RFC3: variants seen among roughly 807,000 people sequenced by gnomAD.
The protein encoded by RFC3 is replication factor C subunit 3.
Under a neutral mutation model 45.1 loss-of-function variants are expected in RFC3, and 41 were observed. The ratio of observed to expected loss-of-function variants is 0.91; its 90% CI spans 0.71 to 1.18. The LOEUF (loss-of-function observed/expected upper bound fraction) is 1.18, where lower values mean the gene tolerates loss of function less well. Among genes scored for constraint, RFC3 ranks in the 50% most tolerant of loss-of-function variants. RFC3 has a pLI of 0.00. For synonymous variants in RFC3, 149 were observed against 144.0 expected, an observed-to-expected ratio of 1.03 and a Z score of -0.25; for missense variants, 423 against 428.1, an observed-to-expected ratio of 0.99 and a Z score of 0.10.
At chr13:33,891,321 T>G (rs1362477421) in intron 8 of RFC3, among the ~76,000 whole-genome samples, 1 of 152,152 alleles carries the variant, frequency 6.6e-6, no homozygotes, top group East Asian at 1.9e-4. Flanking sequence ...TTTATTCATA[T>G]GCAAGGTTCC....
chr13:33,922,730 A>G (rs2082777391), intron 8 of RFC3, among the ~76,000 whole-genome samples: 1 of 152,152 alleles, frequency 6.6e-6, no homozygotes, highest in South Asian at 2.1e-4. Context: ...GGGCAGAGTT[A>G]AGTAGAGAGG....
At chr13:33,956,053 CCTCTT>C (rs1385332914) in intron 8 of RFC3, among the ~76,000 whole-genome samples, 2 of 152,304 alleles carry the variant, frequency 1.3e-5, no homozygotes, top group Non-Finnish European at 2.9e-5. Context: ...TACTATTTCT[CCTCTT>C]CTTTAATCTA....
At chr13:33,915,213 G>A (rs1322829087) in intron 8 of RFC3, among the ~76,000 whole-genome samples, 1 of 152,134 alleles carries the variant, frequency 6.6e-6, no homozygotes, top group Admixed American at 6.6e-5. Context: ...TCAACAAACA[G>A]CCTTAATCCT....
At chr13:33,869,614 G>A (rs138224545) in intron 8 of RFC3, among the ~76,000 whole-genome samples, 13 of 152,320 alleles carry the variant, frequency 8.5e-5, no homozygotes, top group Non-Finnish European at 1.6e-4. Context: ...CCTCCAGTGT[G>A]AGTTCTTTGC....
intron 8 of RFC3, among the ~76,000 whole-genome samples, chr13:33,887,806 T>G (rs1326125262): frequency 6.6e-6 from 1 of 151,838 alleles, no homozygotes; most frequent in Admixed American, 6.6e-5. Context: ...AATTTTTGTA[T>G]AAGGTGTAAG....
intron 8 of RFC3, among the ~76,000 whole-genome samples, chr13:33,927,179 A>C (rs964033619): frequency 4.6e-5 from 7 of 151,790 alleles, no homozygotes; most frequent in African/African-American, 1.7e-4. Flanking sequence ...ATAAGAGGGC[A>C]CCTGATGTTC....
chr13:33,886,130 C>T (rs1365451859), intron 8 of RFC3, among the ~76,000 whole-genome samples: 1 of 152,094 alleles, frequency 6.6e-6, no homozygotes, highest in Admixed American at 6.6e-5. Context: ...CTTTTGACCA[C>T]AGAGTGATAA....
chr13:33,974,266 TACTTG>T, the RFC3 span, among the ~76,000 whole-genome samples: 3 of 152,208 alleles, frequency 2.0e-5, no homozygotes, highest in African/African-American at 7.2e-5. Context: ...TCTTTTTATT[TACTTG>T]ACTTAAGGCA....
Position 33,836,975 on chromosome 13 carries a change from A to G in RFC3, c.*680A>G, listed in dbSNP as rs959018325. On this transcript the variant is annotated 3_prime_UTR_variant, in exon 9 of 9. Transcript: ENST00000380071. ...TGTTACTGTAGTAATTACTCTTTGA[A>G]CAGGTTTTGTGTTTTGTCATTAGCT... 205 of 984,812 alleles carry G rather than the reference A, an allele frequency of 2.1e-4. No individual in the cohort carries two copies. Among genetic ancestry groups the G allele is most frequent in the Non-Finnish European group, 2.4e-4 (197 of 829,504 alleles). The allele number at this position is 984,812 out of a possible 1,614,324, so 61.0% of individuals were successfully genotyped here. A position where few individuals can be genotyped will look rare whatever the true frequency, so the allele number is the denominator to read the frequency against.
intron 8 of RFC3, among the ~76,000 whole-genome samples, chr13:33,894,072 A>G (rs528877443): frequency 1.1e-4 from 16 of 152,312 alleles, no homozygotes; most frequent in African/African-American, 3.6e-4. Flanking sequence ...AGTGTGTAGA[A>G]ATTCACACTG....
At chr13:33,929,082 G>A (rs2082835489) in intron 8 of RFC3, among the ~76,000 whole-genome samples, 1 of 151,972 alleles carries the variant, frequency 6.6e-6, no homozygotes, top group Non-Finnish European at 1.5e-5. Flanking sequence ...GGATTTAAAG[G>A]AGGGCTACCT....
chr13:33,850,814 A>G (rs140743154), intron 8 of RFC3: 9 of 152,302 alleles, frequency 5.9e-5, no homozygotes, highest in African/African-American at 2.2e-4. Context: ...TTAATAAAGG[A>G]TTTGAAAACT....
At chr13:33,901,513 C>T (rs1374340837) in intron 8 of RFC3, among the ~76,000 whole-genome samples, 1 of 151,802 alleles carries the variant, frequency 6.6e-6, no homozygotes, top group Non-Finnish European at 1.5e-5. Flanking sequence ...AGAGAGTAGA[C>T]TGGCAGTTAC....
chr13:33,937,575 G>C (rs1317437995), intron 8 of RFC3, among the ~76,000 whole-genome samples: 1 of 152,088 alleles, frequency 6.6e-6, no homozygotes, highest in Non-Finnish European at 1.5e-5. Context: ...TTTGACTCTT[G>C]GTCTGTGCTT....
chr13:33,972,712 T>C, the RFC3 span, among the ~76,000 whole-genome samples: 3 of 152,192 alleles, frequency 2.0e-5, no homozygotes, highest in Admixed American at 1.3e-4. Context: ...TAGTACCACA[T>C]TATGGCCCGT....
At chr13:33,916,409 A>G (rs113724707) in intron 8 of RFC3, among the ~76,000 whole-genome samples, 2,470 of 152,298 alleles carry the variant, frequency 0.016, 62 homozygotes, top group African/African-American at 0.049. Flanking sequence ...CACTTTAGAT[A>G]AAAATCACTG....
At chr13:33,830,168 A>G (rs1048594361) in intron 5 of RFC3, 151 bp downstream of exon 5, 7 of 645,188 alleles carry the variant, frequency 1.1e-5, no homozygotes, top group Non-Finnish European at 1.9e-5. Flanking sequence ...ACCAAAGCGT[A>G]TAGTTGTAAA....
intron 3 of RFC3, among the ~76,000 whole-genome samples, chr13:33,825,340 CTTTG>C (rs149374075): frequency 0.035 from 5,289 of 152,156 alleles, 186 homozygotes; most frequent in African/African-American, 0.086. Context: ...GCAGACTTCT[CTTTG>C]TTTGTTCTCT....
intron 8 of RFC3, among the ~76,000 whole-genome samples, chr13:33,926,132 C>G (rs1250709425): frequency 2.0e-5 from 3 of 146,986 alleles, no homozygotes; most frequent in Non-Finnish European, 4.4e-5. Context: ...ACCGCATATT[C>G]TCACTCATAG....
Sources: gnomAD v4.1 joint callset for allele counts (sites outside exome capture counted in the v4.1 genomes callset) on GRCh38, gnomAD v4.1.1 for gene constraint, MANE v1.5 for transcripts, NCBI Gene and HGNC (gene_info 2026-07-23, HGNC 2026-07-21) for gene names.